Variants in REV3L observed in about 807,000 individuals in gnomAD.
REV3L encodes the protein DNA polymerase zeta catalytic subunit.
REV3L carries 69 observed loss-of-function variants against 299.4 expected under a neutral mutation model. The ratio of observed to expected loss-of-function variants is 0.23; its 90% CI spans 0.19 to 0.28. REV3L has a LOEUF of 0.28. Among genes scored for constraint, REV3L ranks in the 10% least tolerant of loss-of-function variants. The probability of loss-of-function intolerance (pLI) is 1.00; values close to 1 mark genes in which losing one functional copy is unlikely to be tolerated. For synonymous variants in REV3L, 1,238 were observed against 1,271.4 expected (o/e 0.97, Z 0.56); for missense variants, 3,128 against 3,693.8 (o/e 0.85, Z 3.97).
chr6:111,375,821 G>A lies in REV3L; in HGVS notation c.2534C>T (p.Thr845Ile), dbSNP rs757853719. The A allele has an allele frequency of 5.6e-6, 9 of 1,613,212 alleles. No homozygotes were observed. Among genetic ancestry groups the A allele is most frequent in the Admixed American group, 3.3e-5 (2 of 59,896 alleles). The change falls in exon 13 of 32, where the codon ACC becomes ATC. Residue 845 changes from threonine (T) to isoleucine (I), a missense_variant. Coordinates refer to ENST00000368802, the MANE Select transcript of REV3L (RefSeq NM_001372078.1). ...RKLAGHQETS[T>I]KSSETGSTKD... is the part of the protein sequence containing the mutation. ...TGTGGATCCAGTCTCACTACTTTTG[G>A]TAGAAGTCTCCTGATGACCTGCAAG...
At chr6:111,313,570 C>T in intron 27 of REV3L, 81 bp from the exon 28 acceptor site, 1 of 1,363,140 alleles carries the variant, frequency 7.3e-7, no homozygotes, top group African/African-American at 1.5e-5. Context: ...TTTGTGCTTT[C>T]TTTAATCAAG....
intron 1 of REV3L, among the ~76,000 whole-genome samples, chr6:111,461,378 C>T (rs917922424): frequency 6.6e-6 from 1 of 151,950 alleles, no homozygotes; most frequent in Non-Finnish European, 1.5e-5. Flanking sequence ...TACTTTTGTA[C>T]AGCTGTACAA....
intron 4 of REV3L, among the ~76,000 whole-genome samples, chr6:111,401,718 C>T (rs1188056049): frequency 1.4e-5 from 2 of 146,612 alleles, no homozygotes; most frequent in Admixed American, 1.4e-4. Context: ...AGTTGTTCCA[C>T]ATAAGAAAAT....
At chr6:111,349,557 A>G (rs1777383410) in intron 19 of REV3L, among the ~76,000 whole-genome samples, 1 of 152,132 alleles carries the variant, frequency 6.6e-6, no homozygotes, top group African/African-American at 2.4e-5. Flanking sequence ...TAGATTTGGT[A>G]ATTTTTGGCA....
intron 1 of REV3L, among the ~76,000 whole-genome samples, chr6:111,428,330 G>T (rs58889362): frequency 7.2e-5 from 11 of 151,904 alleles, no homozygotes; most frequent in African/African-American, 2.7e-4. Flanking sequence ...AAGTAATTAA[G>T]AAATTTATTA....
intron 1 of REV3L, among the ~76,000 whole-genome samples, chr6:111,456,628 A>T (rs952207231): frequency 3.9e-5 from 6 of 152,188 alleles, no homozygotes; most frequent in African/African-American, 1.2e-4. Context: ...GATCACATTT[A>T]AAAATGCATA....
intron 1 of REV3L, among the ~76,000 whole-genome samples, chr6:111,477,795 A>T (rs1793116842): frequency 6.6e-6 from 1 of 152,222 alleles, no homozygotes. Flanking sequence ...CATTTTTAAA[A>T]GATCCCTCTG....
chr6:111,393,162 C>T (rs928384051), intron 4 of REV3L, among the ~76,000 whole-genome samples, 190 bp from the exon 5 acceptor site: 10 of 151,920 alleles, frequency 6.6e-5, no homozygotes, highest in Non-Finnish European at 1.2e-4. Flanking sequence ...CACAGTCTCC[C>T]GAGTAGCCTC....
chr6:111,386,119 T>C (rs1781319202), intron 9 of REV3L, among the ~76,000 whole-genome samples: 1 of 152,296 alleles, frequency 6.6e-6, no homozygotes, highest in East Asian at 1.9e-4. Context: ...TAGAGTACAA[T>C]GCATACACCC....
In REV3L at chr6:111,367,160, G is replaced by A. The variant is rs143594993; in HGVS notation, c.6628C>T (p.Leu2210=). ...HSTPIIQRKL[L]ERLPEAPGLS... ...CCAGGTGCTTCAGGAAGCCTTTCCA[G>A]AAGTTTTCTCTGTATGATTGGTGTA... Residue 2210 remains leucine, a synonymous_variant, in exon 14 of 32, where the codon CTG becomes TTG. Coordinates refer to ENST00000368802, the MANE Select transcript of REV3L (RefSeq NM_001372078.1). 91 of 1,608,440 alleles carry A rather than the reference G, an allele frequency of 5.7e-5. No homozygotes were observed. In the African/African-American group the frequency reaches 1.1e-3, roughly 19 times the overall value.
At chr6:111,311,773 G>A (rs1481317708) in intron 28 of REV3L, 1 of 151,752 alleles carries the variant, frequency 6.6e-6, no homozygotes, top group East Asian at 1.9e-4. Context: ...TTTCTACTAG[G>A]AAATAACCAG....
At chr6:111,456,456 G>A (rs192371047) in intron 1 of REV3L, among the ~76,000 whole-genome samples, 50 of 152,214 alleles carry the variant, frequency 3.3e-4, no homozygotes, top group Middle Eastern at 6.8e-3. Flanking sequence ...AATGCTTCAC[G>A]GATTTGGCTC....
Position 111,300,125 on chromosome 6 carries a change from C to A in REV3L, c.9284G>T (p.Arg3095Leu). 6.2e-7 allele frequency: 1 copy of A among 1,612,102 alleles called. No homozygotes were observed. Among genetic ancestry groups the A allele is most frequent in the Non-Finnish European group, 8.5e-7 (1 of 1,179,198 alleles). ...GTTCAGAGAAACACATGGGATGTGT[C>A]GATCAAAGCAACCTGTACAGTTCTT... Reference protein sequence around the residue: ...ICKNCTGCFDRHIPCVSLNCP... With the variant: ...ICKNCTGCFDLHIPCVSLNCP... Residue 3095 changes from arginine to leucine, a missense_variant, in exon 32 of 32, where the codon CGA becomes CTA. Transcript: ENST00000368802.
intron 25 of REV3L, among the ~76,000 whole-genome samples, chr6:111,325,310 T>C (rs1468210342): frequency 1.3e-5 from 2 of 152,226 alleles, no homozygotes; most frequent in Admixed American, 6.5e-5. Context: ...AGTAGAAAAC[T>C]GTCAACATAT....
rs891366379 is a variant in REV3L at position 111,454,373 on chromosome 6, AT to A, written c.139+28376del. 1.1e-3 allele frequency among the ~76,000 whole-genome samples: 163 copies of A among 148,280 alleles called. 1 individual carries two copies. Among genetic ancestry groups the A allele is most frequent in the East Asian group, 2.0e-3 (10 of 5,094 alleles). On this transcript the variant is annotated intron_variant, in intron 1 of 31. Transcript: ENST00000368802. ...CAGGCCAAGGTCCTTACCTTCATGA[AT>A]TTTTTTTTTTTAAATGTGGTAAAAT...
intron 11 of REV3L, among the ~76,000 whole-genome samples, chr6:111,378,611 T>C (rs1344546053): frequency 6.6e-6 from 1 of 152,182 alleles, no homozygotes; most frequent in African/African-American, 2.4e-5. Context: ...TTACATAATC[T>C]GTATAAGGGG....
Position 111,299,050 on chromosome 6 carries a change from T to G in REV3L, c.*966A>C, listed in dbSNP as rs1281301530. On this transcript the variant is annotated 3_prime_UTR_variant, in exon 32 of 32. Transcript: ENST00000368802. ...CACTGCTATATTATTTTATATTTTA[T>G]TCAATTTTAATATGGTTTCCATTAT... The G allele has an allele frequency of 6.6e-6, 1 of 152,462 alleles. No individual in the cohort carries two copies. Among genetic ancestry groups the G allele is most frequent in the African/African-American group, 2.4e-5 (1 of 41,446 alleles). The allele number at this position is 152,462 out of a possible 1,614,324, so 9.4% of individuals were successfully genotyped here.
At chr6:111,376,931 G>A (rs569373260) in intron 12 of REV3L, among the ~76,000 whole-genome samples, 174 bp from the exon 13 acceptor site, 60 of 152,060 alleles carry the variant, frequency 3.9e-4, no homozygotes, top group Non-Finnish European at 6.2e-4. Context: ...AATATAGTTA[G>A]TTACAATTAT....
intron 4 of REV3L, among the ~76,000 whole-genome samples, chr6:111,405,062 C>G (rs1582866010): frequency 6.6e-6 from 1 of 151,552 alleles, no homozygotes. Flanking sequence ...AATTGTGTAT[C>G]ATATACTATT....
Sources: allele counts gnomAD v4.1 joint callset (sites outside exome capture counted in the v4.1 genomes callset), GRCh38; gene constraint gnomAD v4.1.1; transcripts MANE v1.5; gene names NCBI Gene and HGNC (gene_info 2026-07-23, HGNC 2026-07-21).